Variants in SPATA17 observed in about 807,000 individuals in gnomAD.
SPATA17 encodes the protein spermatogenesis-associated protein 17.
SPATA17 carries 53 observed loss-of-function variants against 62.2 expected under a neutral mutation model. The ratio of observed to expected loss-of-function variants is 0.85; its 90% CI spans 0.68 to 1.07. The LOEUF is 1.07. SPATA17 is among the 50% of genes least tolerant of loss of function. The probability of loss-of-function intolerance (pLI) is 0.00; values close to 1 mark genes in which losing one functional copy is unlikely to be tolerated. For missense variants in SPATA17, 466 were observed against 425.5 expected (o/e 1.10, Z -0.84); for synonymous variants, 146 against 146.8 (o/e 0.99, Z 0.04).
intron 6 of SPATA17, among the ~76,000 whole-genome samples, chr1:217,750,107 T>C (rs1473860334): frequency 6.7e-6 from 1 of 150,296 alleles, no homozygotes; most frequent in African/African-American, 2.4e-5. Flanking sequence ...TACAAGCTTT[T>C]CACTAATACG....
At chr1:217,725,436 A>G (rs1672237796) in intron 5 of SPATA17, among the ~76,000 whole-genome samples, 3 of 152,210 alleles carry the variant, frequency 2.0e-5, no homozygotes, top group Admixed American at 2.0e-4. Flanking sequence ...CATGTTTCAA[A>G]AATACCAAAT....
At chr1:217,782,115 T>G in intron 7 of SPATA17, 59 bp from the exon 8 acceptor site, 1 of 1,472,674 alleles carries the variant, frequency 6.8e-7, no homozygotes. Context: ...GCCTTGGTCA[T>G]CAGTAATACC....
chr1:217,691,431 G>T (rs1487949128), intron 5 of SPATA17, among the ~76,000 whole-genome samples: 8 of 37,966 alleles, frequency 2.1e-4, no homozygotes, highest in African/African-American at 6.5e-4. Flanking sequence ...TTTCTCCCAT[G>T]TTGTAGGTTG....
At chr1:217,802,451 A>G (rs1437188843) in intron 9 of SPATA17, among the ~76,000 whole-genome samples, 1 of 152,094 alleles carries the variant, frequency 6.6e-6, no homozygotes, top group Non-Finnish European at 1.5e-5. Flanking sequence ...ACAGACATTT[A>G]TTTTCTTACA....
At chr1:217,819,687 T>A (rs34458020) in intron 9 of SPATA17, among the ~76,000 whole-genome samples, 44,180 of 151,936 alleles carry the variant, frequency 0.29, 7,694 homozygotes, top group Non-Finnish European at 0.38. Context: ...CTCTTAGAAT[T>A]TGATGCTTCT....
At position 217,871,453 on chromosome 1, in the gene SPATA17, C is replaced by G. The variant is rs1463956016; in HGVS notation, c.*4434C>G. The stretch of plus-strand genomic sequence containing the variant: ...TTTTCACTTCCATTTTAAGCTGGCT[C>G]AAAGCCTTTTAGGAACAATAAGTTA... On this transcript the variant is annotated 3_prime_UTR_variant, in exon 11 of 11. Coordinates refer to ENST00000366933, the MANE Select transcript of SPATA17 (RefSeq NM_138796.4). 2 of 151,956 alleles carry G rather than the reference C, an allele frequency of 1.3e-5. No homozygotes were observed. The highest frequency in any genetic ancestry group is 2.4e-5 in the African/African-American group (1 of 41,356). 9.4% of individuals were successfully genotyped at this position (151,956 alleles called of 1,614,324 possible). A position where few individuals can be genotyped will look rare whatever the true frequency, so the allele number is the denominator to read the frequency against.
At chr1:217,832,814 G>T (rs1176606988) in intron 9 of SPATA17, among the ~76,000 whole-genome samples, 1 of 151,870 alleles carries the variant, frequency 6.6e-6, no homozygotes, top group Non-Finnish European at 1.5e-5. Context: ...GTGGCAGTGC[G>T]CATCTGTAGT....
At chr1:217,655,348 A>G (rs1334911861) in intron 3 of SPATA17, among the ~76,000 whole-genome samples, 6 of 152,206 alleles carry the variant, frequency 3.9e-5, no homozygotes, top group Admixed American at 3.9e-4. Flanking sequence ...TTTTTAGCAG[A>G]AATACATCTC....
At chr1:217,834,142 T>C (rs1675206866) in intron 9 of SPATA17, among the ~76,000 whole-genome samples, 1 of 152,166 alleles carries the variant, frequency 6.6e-6, no homozygotes, top group Admixed American at 6.6e-5. Context: ...CACATTGCAT[T>C]ACTCACACAT....
chr1:217,666,882 A>G (rs1329937553), intron 3 of SPATA17, among the ~76,000 whole-genome samples: 4 of 152,154 alleles, frequency 2.6e-5, no homozygotes, highest in Admixed American at 1.3e-4. Context: ...TAAATGTGGT[A>G]TCAATTAGTG....
chr1:217,781,969 A>G (rs1007303031), intron 7 of SPATA17, among the ~76,000 whole-genome samples: 25 of 152,092 alleles, frequency 1.6e-4, no homozygotes, highest in African/African-American at 5.3e-4. Context: ...AAGTTTTTTA[A>G]TGTAATCAAT....
At chr1:217,838,098 T>A (rs1248806048) in intron 9 of SPATA17, among the ~76,000 whole-genome samples, 2 of 152,176 alleles carry the variant, frequency 1.3e-5, no homozygotes, top group Non-Finnish European at 2.9e-5. Flanking sequence ...TATCTTGGGT[T>A]AAAATATTTT....
intron 5 of SPATA17, among the ~76,000 whole-genome samples, chr1:217,690,229 C>T (rs1671317564): frequency 6.6e-6 from 1 of 152,006 alleles, no homozygotes; most frequent in African/African-American, 2.4e-5. Flanking sequence ...AGAACTCTGA[C>T]TTTGCATATA....
At chr1:217,651,745 C>T (rs890228170) in intron 3 of SPATA17, among the ~76,000 whole-genome samples, 3 of 152,020 alleles carry the variant, frequency 2.0e-5, no homozygotes, top group South Asian at 4.2e-4. Flanking sequence ...GTGGTTATAT[C>T]GCATGATTAA....
chr1:217,670,944 C>T (rs1670817855), intron 4 of SPATA17, among the ~76,000 whole-genome samples: 1 of 142,972 alleles, frequency 7.0e-6, no homozygotes, highest in East Asian at 2.0e-4. Context: ...GAGCAAGACT[C>T]CGTCTCAGGA....
chr1:217,718,455 A>T (rs565704397), intron 5 of SPATA17, among the ~76,000 whole-genome samples: 4 of 152,312 alleles, frequency 2.6e-5, no homozygotes, highest in Non-Finnish European at 5.9e-5. Context: ...TTGCAAGCAC[A>T]CTGCTAGTTA....
At position 217,784,606 on chromosome 1, in the gene SPATA17, T is replaced by G. The variant is rs531536030; in HGVS notation, c.872+2284T>G. On this transcript the variant is annotated intron_variant, in intron 8 of 10. Coordinates refer to ENST00000366933, the MANE Select transcript of SPATA17 (RefSeq NM_138796.4). ...AAGCAGAAATGTTACCTTAAAAGGT[T>G]GTAATGAGGATTGATAGAGAAAATG... Among the ~76,000 whole-genome samples the G allele has an allele frequency of 3.3e-5, 5 of 152,292 alleles. 1 individual carries two copies. Among genetic ancestry groups the G allele is most frequent in the African/African-American group, 1.2e-4 (5 of 41,576 alleles).
intron 3 of SPATA17, among the ~76,000 whole-genome samples, chr1:217,659,140 A>G (rs1239433417): frequency 6.6e-6 from 1 of 151,860 alleles, no homozygotes. Flanking sequence ...CTATTAAATA[A>G]ATTAATTTAA....
At chr1:217,808,845 C>T (rs1350377572) in intron 9 of SPATA17, among the ~76,000 whole-genome samples, 1 of 144,352 alleles carries the variant, frequency 6.9e-6, no homozygotes, top group Non-Finnish European at 1.5e-5. Context: ...CAGAGCGAGA[C>T]TCTGTCTCAA....
Sources: allele counts gnomAD v4.1 joint callset (sites outside exome capture counted in the v4.1 genomes callset), GRCh38; gene constraint gnomAD v4.1.1; transcripts MANE v1.5; gene names NCBI Gene and HGNC (gene_info 2026-07-23, HGNC 2026-07-21).